The following MPP4 variants were observed in gnomAD, a reference collection of about 807,000 sequenced individuals.
MPP4 encodes the protein MAGUK p55 subfamily member 4.
A neutral mutation model predicts 98.3 loss-of-function variants in MPP4; 91 were observed. That is an observed-to-expected ratio of 0.93 (90% CI 0.78 to 1.10). The LOEUF (loss-of-function observed/expected upper bound fraction) is 1.10. Ranked by LOEUF, MPP4 falls within the 50% of genes least tolerant of loss-of-function variation. The pLI is 0.00. For missense variants in MPP4, 744 were observed against 792.9 expected (o/e 0.94, Z 0.74); for synonymous variants, 261 against 271.8 (o/e 0.96, Z 0.39).
chr2:201,647,584 A>C (rs1055852054), intron 21 of MPP4, 107 bp downstream of exon 21: 4 of 1,220,452 alleles, frequency 3.3e-6, no homozygotes, highest in African/African-American at 3.0e-5. Flanking sequence ...GGGGTCAAAA[A>C]GGAGGAGGAG....
intron 18 of MPP4, among the ~76,000 whole-genome samples, chr2:201,654,558 T>C (rs937509525): frequency 2.0e-5 from 3 of 152,138 alleles, no homozygotes; most frequent in Admixed American, 6.6e-5. Flanking sequence ...CAACATGGCA[T>C]ATGTATACAT....
chr2:201,686,335 G>A lies in MPP4; in HGVS notation c.361-285C>T, dbSNP rs570193838. Among the ~76,000 whole-genome samples, 11 of 152,326 alleles carry A rather than the reference G, an allele frequency of 7.2e-5. No homozygotes were observed. In the South Asian group the frequency reaches 2.1e-3, roughly 29 times the overall value. On this transcript the variant is annotated intron_variant, in intron 5 of 21. Transcript: ENST00000409474. Reference sequence around the variant, plus strand: ...TTTCTGCTAAAATGTATTATGCCACGACATTCTTATTTCCTGGCAGCCCAT... The same window carrying A: ...TTTCTGCTAAAATGTATTATGCCACAACATTCTTATTTCCTGGCAGCCCAT...
intron 14 of MPP4, chr2:201,662,017 T>C: frequency 2.7e-6 from 1 of 364,166 alleles, no homozygotes; most frequent in Non-Finnish European, 5.3e-6. Flanking sequence ...AAATAGGAAA[T>C]TTTGAAACAA....
intron 18 of MPP4, chr2:201,650,794 G>C: frequency 1.0e-6 from 1 of 985,328 alleles, no homozygotes; most frequent in Non-Finnish European, 1.2e-6. Flanking sequence ...CCAACCGAGT[G>C]GTGATTCGTT....
intron 14 of MPP4, among the ~76,000 whole-genome samples, chr2:201,660,997 T>C (rs1354552771): frequency 6.6e-6 from 1 of 152,234 alleles, no homozygotes. Flanking sequence ...CTTGGCTCAC[T>C]GCAATCTCTG....
chr2:201,647,111 T>C (rs1415368623), intron 21 of MPP4, among the ~76,000 whole-genome samples: 1 of 128,820 alleles, frequency 7.8e-6, no homozygotes, highest in African/African-American at 2.9e-5. Context: ...ATGTAAAATA[T>C]ATGTACGCAA....
chr2:201,656,166 G>T, intron 17 of MPP4, 32 bp downstream of exon 17: 1 of 1,556,808 alleles, frequency 6.4e-7, no homozygotes, highest in Non-Finnish European at 8.7e-7. Context: ...ACTTCTCAAG[G>T]AGGAGGAGAG....
At chr2:201,694,608 C>CTTTTTTTTTTTTT (rs777556505) in intron 1 of MPP4, among the ~76,000 whole-genome samples, 6 of 78,868 alleles carry the variant, frequency 7.6e-5, no homozygotes, top group African/African-American at 2.1e-4. Flanking sequence ...TTCTTTTTCC[C>CTTTTTTTTTTTTT]TTTTTTTTTT....
intron 1 of MPP4, chr2:201,697,961 T>G: frequency 1.0e-6 from 1 of 985,398 alleles, no homozygotes; most frequent in Non-Finnish European, 1.2e-6. Flanking sequence ...GTACCAAATT[T>G]GTCAGTTGAA....
chr2:201,669,121 T>TGA (rs35543688), intron 12 of MPP4, among the ~76,000 whole-genome samples: 21 of 100,802 alleles, frequency 2.1e-4, no homozygotes, highest in African/African-American at 7.0e-4. Context: ...TGTGTGTGTG[T>TGA]GAGAGAGAGA....
At chr2:201,661,560 C>T (rs531018990) in intron 14 of MPP4, 4 of 456,444 alleles carry the variant, frequency 8.8e-6, no homozygotes, top group East Asian at 1.4e-4. Context: ...CCTCCCTCTG[C>T]AGTGCTGTTC....
chr2:201,696,527 C>A (rs1320357208), intron 1 of MPP4, among the ~76,000 whole-genome samples: 1 of 152,176 alleles, frequency 6.6e-6, no homozygotes, highest in Non-Finnish European at 1.5e-5. Flanking sequence ...ATTAAACAAG[C>A]CAACTGTTGT....
At position 201,685,090 on chromosome 2, in the gene MPP4, A is replaced by G; in HGVS notation, c.548T>C (p.Ile183Thr). Reference protein sequence around the residue: ...MTGDILVARIIHGGLAERSGL... With the variant: ...MTGDILVARITHGGLAERSGL... Reference sequence around the variant, plus strand: ...ACTTCTCTCCGCCAGCCCACCGTGGATGATCCTGGCCACCAAGATGTCCCC... The same window carrying G: ...ACTTCTCTCCGCCAGCCCACCGTGGGTGATCCTGGCCACCAAGATGTCCCC... Residue 183 changes from isoleucine (I) to threonine (T), a missense_variant, in exon 7 of 22, where the codon ATC (isoleucine) becomes ACC (threonine). Ile to Thr is a moderately conservative substitution (Grantham distance 89). Transcript: ENST00000409474. The G allele has an allele frequency of 5.0e-6, 8 of 1,612,086 alleles. No homozygotes were observed. The highest frequency in any genetic ancestry group is 5.9e-6 in the Non-Finnish European group (7 of 1,179,264).
intron 5 of MPP4, among the ~76,000 whole-genome samples, chr2:201,686,897 A>G (rs1361849813): frequency 6.6e-6 from 1 of 152,254 alleles, no homozygotes; most frequent in East Asian, 1.9e-4. Context: ...GATAATCATC[A>G]TTATACTGTA....
intron 16 of MPP4, among the ~76,000 whole-genome samples, chr2:201,657,906 G>A (rs1006066361): frequency 2.7e-4 from 40 of 150,744 alleles, no homozygotes; most frequent in Middle Eastern, 3.5e-3. Flanking sequence ...CTACCTAATA[G>A]CTTTTAGGCT....
At chr2:201,651,477 T>C (rs1007313488) in intron 18 of MPP4, 22 of 985,318 alleles carry the variant, frequency 2.2e-5, no homozygotes, top group Admixed American at 1.2e-4. Flanking sequence ...AATATTTATA[T>C]GGTAGGTTAA....
intron 12 of MPP4, among the ~76,000 whole-genome samples, chr2:201,668,460 T>G (rs1382607505): frequency 6.6e-6 from 1 of 151,226 alleles, no homozygotes; most frequent in Non-Finnish European, 1.5e-5. Flanking sequence ...TTCTCTTCTC[T>G]TCTCTTCTCT....
chr2:201,688,087 G>C (rs549269969), intron 4 of MPP4, among the ~76,000 whole-genome samples: 16 of 152,284 alleles, frequency 1.1e-4, no homozygotes, highest in African/African-American at 3.8e-4. Context: ...CTTTTCCTGT[G>C]GACAACTGAG....
chr2:201,647,655 C>T (rs1364837242), intron 21 of MPP4, 36 bp downstream of exon 21: 1 of 1,599,032 alleles, frequency 6.3e-7, no homozygotes, highest in Non-Finnish European at 8.6e-7. Context: ...GCAGAAGCCA[C>T]TGAAAGCAAT....
Sources: gnomAD v4.1 joint callset for allele counts (sites outside exome capture counted in the v4.1 genomes callset) on GRCh38, gnomAD v4.1.1 for gene constraint, MANE v1.5 for transcripts, NCBI Gene and HGNC (gene_info 2026-07-23, HGNC 2026-07-21) for gene names.